The following PPP2R2C variants were observed in gnomAD, a reference collection of about 807,000 sequenced individuals.
PPP2R2C encodes protein phosphatase 2 regulatory subunit Bgamma, also known as protein phosphatase 2, regulatory subunit B, gamma.
PPP2R2C carries 10 observed loss-of-function variants against 45.3 expected under a neutral mutation model. The observed-to-expected ratio is 0.22, with a 90% CI of 0.14 to 0.37. The LOEUF (loss-of-function observed/expected upper bound fraction) is 0.37, where lower values mean the gene tolerates loss of function less well. Among genes scored for constraint, PPP2R2C ranks in the 10% least tolerant of loss-of-function variants. The probability of loss-of-function intolerance (pLI) is 1.00; values close to 1 mark genes in which losing one functional copy is unlikely to be tolerated. For synonymous variants in PPP2R2C, 257 were observed against 245.4 expected, an observed-to-expected ratio of 1.05 and a Z score of -0.44; for missense variants, 308 against 619.7, an observed-to-expected ratio of 0.50 and a Z score of 5.34.
intron 2 of PPP2R2C, among the ~76,000 whole-genome samples, chr4:6,505,539 G>A (rs1185210977): frequency 2.0e-5 from 3 of 152,130 alleles, no homozygotes; most frequent in East Asian, 3.8e-4. Flanking sequence ...GTAAAGTGGT[G>A]GAAAATTAAT....
intron 2 of PPP2R2C, among the ~76,000 whole-genome samples, chr4:6,518,796 G>A (rs368065621): frequency 3.5e-4 from 53 of 151,862 alleles, no homozygotes; most frequent in African/African-American, 1.2e-3. Context: ...AGTGGCACAC[G>A]CCTGTAGTCC....
intron 2 of PPP2R2C, among the ~76,000 whole-genome samples, chr4:6,511,282 ATGCTGATGCTGATGGTGG>A (rs1192657999): frequency 2.6e-5 from 4 of 151,652 alleles, no homozygotes; most frequent in African/African-American, 9.7e-5. Context: ...GCTGATGCTG[ATGCTGATGCTGATGGTGG>A]TGGTGATGGT....
intron 2 of PPP2R2C, among the ~76,000 whole-genome samples, chr4:6,530,867 T>C (rs1724373475): frequency 6.6e-6 from 1 of 152,176 alleles, no homozygotes; most frequent in South Asian, 2.1e-4. Flanking sequence ...TACAGGCGCA[T>C]AGGGTGGTTC....
At chr4:6,449,984 A>T (rs1720650129) in intron 1 of PPP2R2C, among the ~76,000 whole-genome samples, 1 of 152,036 alleles carries the variant, frequency 6.6e-6, no homozygotes, top group Non-Finnish European at 1.5e-5. Context: ...GCCGAGCCCC[A>T]TTTTTCTAGG....
chr4:6,414,730 G>A (rs557115260), intron 1 of PPP2R2C, among the ~76,000 whole-genome samples: 7 of 152,100 alleles, frequency 4.6e-5, no homozygotes, highest in African/African-American at 1.4e-4. Context: ...GCTGGATGGA[G>A]GGAGGAACAG....
intron 1 of PPP2R2C, among the ~76,000 whole-genome samples, chr4:6,416,527 T>G (rs1412294893): frequency 6.6e-6 from 1 of 152,078 alleles, no homozygotes; most frequent in Non-Finnish European, 1.5e-5. Flanking sequence ...ATACCTCCAG[T>G]GGGAGCTTTC....
At chr4:6,377,663 A>G (rs914214186) in intron 3 of PPP2R2C, among the ~76,000 whole-genome samples, 2 of 151,964 alleles carry the variant, frequency 1.3e-5, no homozygotes, top group Non-Finnish European at 2.9e-5. Flanking sequence ...TTGTCTCTCA[A>G]AAAAAGAAAA....
intron 1 of PPP2R2C, among the ~76,000 whole-genome samples, chr4:6,467,462 C>G (rs1490524195): frequency 6.6e-6 from 1 of 152,178 alleles, no homozygotes; most frequent in Admixed American, 6.5e-5. Flanking sequence ...GAACCCAGAT[C>G]TCCCGATGCC....
At chr4:6,414,077 TGTG>T in intron 1 of PPP2R2C, 20 of 154,512 alleles carry the variant, frequency 1.3e-4, no homozygotes, top group Middle Eastern at 1.7e-3. Context: ...TGCCTGTGTA[TGTG>T]TGTGTGTGTG....
intron 1 of PPP2R2C, among the ~76,000 whole-genome samples, chr4:6,556,507 C>A (rs781154649): frequency 1.3e-5 from 2 of 152,278 alleles, no homozygotes; most frequent in Non-Finnish European, 2.9e-5. Context: ...ATTCCGTGTG[C>A]GTGTGTGTGC....
In PPP2R2C at chr4:6,515,589, G is replaced by A. The variant is rs74339488; in HGVS notation, c.49+19682C>T. On this transcript the variant is annotated intron_variant, in intron 2 of 9. Coordinates refer to the PPP2R2C transcript ENST00000506140. The stretch of plus-strand genomic sequence containing the variant: ...GACTAAATGAGTGAGTACTTCTAAC[G>A]TGCTTACAAGAATGCCTTGCATATA... Among the ~76,000 whole-genome samples the A allele has an allele frequency of 9.5e-3, 1,448 of 152,302 alleles. 19 individuals are homozygous for A. Among genetic ancestry groups the A allele is most frequent in the African/African-American group, 0.032 (1,340 of 41,552 alleles).
intron 1 of PPP2R2C, among the ~76,000 whole-genome samples, chr4:6,562,930 G>C (rs1248122339): frequency 1.0e-4 from 15 of 149,252 alleles, no homozygotes; most frequent in Non-Finnish European, 2.2e-4. Flanking sequence ...CGGGCTCTGG[G>C]CGCGCCACTG....
intron 1 of PPP2R2C, among the ~76,000 whole-genome samples, chr4:6,413,281 T>A (rs1281391095): frequency 1.3e-5 from 2 of 152,168 alleles, no homozygotes; most frequent in African/African-American, 4.8e-5. Flanking sequence ...TGTCATGTAC[T>A]TACACATATG....
At chr4:6,449,310 G>A (rs2108744067) in intron 1 of PPP2R2C, among the ~76,000 whole-genome samples, 1 of 152,330 alleles carries the variant, frequency 6.6e-6, no homozygotes, top group Non-Finnish European at 1.5e-5. Flanking sequence ...CCAACAAGAT[G>A]AGACCCCTGC....
chr4:6,420,500 G>A (rs1718892642), intron 1 of PPP2R2C, among the ~76,000 whole-genome samples: 1 of 152,168 alleles, frequency 6.6e-6, no homozygotes, highest in Non-Finnish European at 1.5e-5. Flanking sequence ...CGCCTTGCGA[G>A]TCCGGAGGCA....
intron 1 of PPP2R2C, among the ~76,000 whole-genome samples, chr4:6,536,537 C>T (rs1037936862): frequency 9.8e-5 from 15 of 152,312 alleles, no homozygotes; most frequent in East Asian, 7.7e-4. Context: ...AAACCAGAAA[C>T]GTAGCACTTT....
Position 6,366,586 on chromosome 4 carries a change from G to A in PPP2R2C, c.625+5937C>T, listed in dbSNP as rs530956963. Among the ~76,000 whole-genome samples the A allele has an allele frequency of 4.6e-5, 7 of 152,336 alleles. No individual in the cohort carries two copies. The South Asian group carries it at 6.2e-4, about 14-fold the overall frequency. ...TGTGACCGGGGGCAGCCAAGGAGCC[G>A]CAGGCTTAGAGGGGCTCTGACCAGC... On this transcript the variant is annotated intron_variant, in intron 5 of 8. Coordinates refer to ENST00000382599, the MANE Select transcript of PPP2R2C (RefSeq NM_020416.4).
chr4:6,559,057 G>T (rs746945188), intron 1 of PPP2R2C, among the ~76,000 whole-genome samples: 1 of 152,230 alleles, frequency 6.6e-6, no homozygotes, highest in Non-Finnish European at 1.5e-5. Context: ...GGAACACTGC[G>T]CTGAGACAGG....
At chr4:6,503,941 C>A (rs1023387837) in intron 2 of PPP2R2C, among the ~76,000 whole-genome samples, 18 of 152,186 alleles carry the variant, frequency 1.2e-4, no homozygotes, top group African/African-American at 4.1e-4. Context: ...CACCTAAGGG[C>A]AATCAAAAGC....
Sources: allele counts gnomAD v4.1 joint callset (sites outside exome capture counted in the v4.1 genomes callset), GRCh38; gene constraint gnomAD v4.1.1; transcripts MANE v1.5; gene names NCBI Gene and HGNC (gene_info 2026-07-23, HGNC 2026-07-21).